SPATA45: variants seen among roughly 807,000 people sequenced by gnomAD.
SPATA45 encodes spermatogenesis-associated protein 45.
In SPATA45, 5 loss-of-function variants were observed where a neutral mutation model predicts 7.0. The ratio of observed to expected loss-of-function variants is 0.71; its 90% CI spans 0.37 to 1.50. SPATA45 has a LOEUF of 1.50. Ranked by LOEUF, SPATA45 falls within the 40% of genes most tolerant of loss-of-function variation. SPATA45 has a pLI of 0.03. For missense variants in SPATA45, 111 were observed against 114.9 expected (o/e 0.97, Z 0.16); for synonymous variants, 40 against 38.7 (o/e 1.03, Z -0.13).
chr1:212,835,941 C>T lies in SPATA45; in HGVS notation c.209G>A (p.Ser70Asn). Residue 70 changes from serine to asparagine, a missense_variant, in exon 2 of 3, where the codon AGT (serine) becomes AAT (asparagine). Ser to Asn is a conservative substitution (Grantham distance 46). Coordinates refer to ENST00000332912, the MANE Select transcript of SPATA45 (RefSeq NM_001024601.3). ...DTTTKEPVPN[S>N]GRSSWIKLSL... is the part of the protein sequence containing the mutation. ...CAGCTTGATCCAGGAGCTCCTGCCACTGTTGGGAACAGGCTCTTTGGTTGT... is the reference window on the plus strand; with the variant it reads ...CAGCTTGATCCAGGAGCTCCTGCCATTGTTGGGAACAGGCTCTTTGGTTGT... 6.2e-7 allele frequency: 1 copy of T among 1,610,566 alleles called. No individual in the cohort carries two copies. Among genetic ancestry groups the T allele is most frequent in the South Asian group, 1.1e-5 (1 of 90,720 alleles).
At chr1:212,837,108 T>C (rs1663600064) in intron 1 of SPATA45, among the ~76,000 whole-genome samples, 1 of 147,808 alleles carries the variant, frequency 6.8e-6, no homozygotes, top group Non-Finnish European at 1.5e-5. Flanking sequence ...TTTAGAAGCA[T>C]TATTTCTTCT....
At chr1:212,831,111 GC>G (rs1361950588) in intron 2 of SPATA45, among the ~76,000 whole-genome samples, 2 of 150,444 alleles carry the variant, frequency 1.3e-5, no homozygotes, top group African/African-American at 4.9e-5. Flanking sequence ...CTGCACTACA[GC>G]CTGTGACAAA....
intron 2 of SPATA45, among the ~76,000 whole-genome samples, chr1:212,834,880 T>A (rs570524228): frequency 6.6e-6 from 1 of 151,828 alleles, no homozygotes; most frequent in African/African-American, 2.4e-5. Context: ...TCTGAAGTTT[T>A]TGTGGTCTAT....
intron 1 of SPATA45, among the ~76,000 whole-genome samples, chr1:212,840,808 C>T (rs911977307): frequency 9.9e-5 from 15 of 151,568 alleles, no homozygotes; most frequent in African/African-American, 2.2e-4. Flanking sequence ...TTAGTAGAGA[C>T]GGGGTTTCAC....
At chr1:212,830,807 C>T (rs1348198860) in intron 2 of SPATA45, among the ~76,000 whole-genome samples, 2 of 151,142 alleles carry the variant, frequency 1.3e-5, no homozygotes, top group Non-Finnish European at 1.5e-5. Context: ...ATGTTGAAAC[C>T]CCCATCTCTA....
chr1:212,845,279 C>T (rs955515246), intron 1 of SPATA45, among the ~76,000 whole-genome samples: 1 of 152,160 alleles, frequency 6.6e-6, no homozygotes, highest in Non-Finnish European at 1.5e-5. Flanking sequence ...CCCTCCCTTC[C>T]CTACACATCA....
Position 212,830,798 on chromosome 1 carries a change from T to C in SPATA45, c.278-537A>G, listed in dbSNP as rs974035426. 6.7e-5 allele frequency among the ~76,000 whole-genome samples: 10 copies of C among 150,348 alleles called. 1 individual carries two copies. Among genetic ancestry groups the C allele is most frequent in the African/African-American group, 2.4e-4 (10 of 40,970 alleles). ...GAGATGGAGACCATCCTGGCCAACA[T>C]GTTGAAACCCCCATCTCTACTAAAA... On this transcript the variant is annotated intron_variant, in intron 2 of 2. Transcript: ENST00000332912.
intron 1 of SPATA45, among the ~76,000 whole-genome samples, chr1:212,845,588 G>T (rs966921523): frequency 6.6e-6 from 1 of 151,916 alleles, no homozygotes; most frequent in Non-Finnish European, 1.5e-5. Flanking sequence ...ACCTCAAATC[G>T]CCACCCTTAA....
At chr1:212,832,697 C>T (rs1663511191) in intron 2 of SPATA45, among the ~76,000 whole-genome samples, 1 of 151,418 alleles carries the variant, frequency 6.6e-6, no homozygotes, top group South Asian at 2.1e-4. Flanking sequence ...ATATGTCCAG[C>T]AAAATTACTG....
chr1:212,845,286 A>G (rs1262477924), intron 1 of SPATA45, among the ~76,000 whole-genome samples: 4 of 152,120 alleles, frequency 2.6e-5, no homozygotes, highest in Admixed American at 2.6e-4. Flanking sequence ...TTCCCTACAC[A>G]TCAAGCTTGG....
intron 2 of SPATA45, among the ~76,000 whole-genome samples, chr1:212,834,544 G>A (rs1663554724): frequency 6.6e-6 from 1 of 150,890 alleles, no homozygotes; most frequent in South Asian, 2.1e-4. Context: ...TCCACCTCTG[G>A]GATTCAAACA....
At chr1:212,830,376 A>C (rs1663461580) in intron 2 of SPATA45, 115 bp from the exon 3 acceptor site, 1 of 612,312 alleles carries the variant, frequency 1.6e-6, no homozygotes, top group Non-Finnish European at 2.8e-6. Context: ...ACTAAGGTTT[A>C]GAAACACCAA....
chr1:212,836,216 T>A, intron 1 of SPATA45, 29 bp from the exon 2 acceptor site: 9 of 1,444,906 alleles, frequency 6.2e-6, no homozygotes, highest in Non-Finnish European at 8.5e-6. Context: ...ATACTTTCAA[T>A]TGTCTTTTTG....
intron 2 of SPATA45, among the ~76,000 whole-genome samples, chr1:212,831,612 A>G (rs1663488805): frequency 6.6e-6 from 1 of 151,530 alleles, no homozygotes; most frequent in Non-Finnish European, 1.5e-5. Context: ...TCCAAGTGGA[A>G]GATTGAAAAG....
rs973934359 is a variant in SPATA45 at position 212,835,544 on chromosome 1, T to C, written c.277+329A>G. 2.0e-5 allele frequency among the ~76,000 whole-genome samples: 3 copies of C among 148,488 alleles called. No individual in the cohort carries two copies. In the Admixed American group the frequency reaches 2.0e-4, roughly 10 times the overall value. ...GTCTCAAAAAACAAAAAAAGAATCC[T>C]ATCATAGGCTGGGTGTGGTGGCTCA... On this transcript the variant is annotated intron_variant, in intron 2 of 2. Transcript: ENST00000332912.
intron 1 of SPATA45, among the ~76,000 whole-genome samples, chr1:212,839,122 A>G (rs1258543551): frequency 7.8e-6 from 1 of 127,696 alleles, no homozygotes; most frequent in Admixed American, 7.7e-5. Context: ...AAATATATTT[A>G]TATATATTAT....
chr1:212,841,631 C>CTTTTTTTTTTTTTTTTTTTTTTTTTTAT (rs5780702), intron 1 of SPATA45, among the ~76,000 whole-genome samples: 1 of 125,224 alleles, frequency 8.0e-6, no homozygotes. Context: ...AGGTATCTTT[C>CTTTTTTTTTTTTTTTTTTTTTTTTTTAT]TTTTTTTTTT....
At chr1:212,847,173 G>C (rs1663814884) in intron 1 of SPATA45, among the ~76,000 whole-genome samples, 1 of 152,174 alleles carries the variant, frequency 6.6e-6, no homozygotes, top group African/African-American at 2.4e-5. Flanking sequence ...TTACAGGCGT[G>C]AGCAACTGTG....
chr1:212,843,422 T>C (rs953138961), intron 1 of SPATA45, among the ~76,000 whole-genome samples: 2 of 152,246 alleles, frequency 1.3e-5, no homozygotes, highest in Non-Finnish European at 2.9e-5. Flanking sequence ...GGTAACTTTA[T>C]CATATTAAAT....
Sources: gnomAD v4.1 joint callset for allele counts (sites outside exome capture counted in the v4.1 genomes callset) on GRCh38, gnomAD v4.1.1 for gene constraint, MANE v1.5 for transcripts, NCBI Gene and HGNC (gene_info 2026-07-23, HGNC 2026-07-21) for gene names.